ARG2: variants seen among roughly 807,000 people sequenced by gnomAD.
The protein encoded by ARG2 is arginase 2.
In ARG2, 21 loss-of-function variants were observed where a neutral mutation model predicts 39.4. That is an observed-to-expected ratio of 0.53 (90% CI 0.38 to 0.77). The LOEUF is 0.77. Among genes scored for constraint, ARG2 ranks in the 30% least tolerant of loss-of-function variants. The pLI is 0.00. For missense variants in ARG2, 378 were observed against 426.2 expected (o/e 0.89, Z 1.00); for synonymous variants, 150 against 156.7 (o/e 0.96, Z 0.32).
At chr14:67,631,161 C>T (rs2140731215) in intron 2 of ARG2, among the ~76,000 whole-genome samples, 2 of 152,300 alleles carry the variant, frequency 1.3e-5, no homozygotes, top group South Asian at 4.1e-4. Context: ...AGCCCTCTAG[C>T]TGTTGTCCAG....
In ARG2 at chr14:67,633,555, G is replaced by A. The variant is rs74551964; in HGVS notation, c.185-8631G>A. ...TCCCTTCCCATGCCCCTCTATTGCT[G>A]GACACTCTGTTCCCTCTCATTTATT... On this transcript the variant is annotated intron_variant, in intron 2 of 7. Coordinates refer to ENST00000261783, the MANE Select transcript of ARG2 (RefSeq NM_001172.4). 3.2e-3 allele frequency among the ~76,000 whole-genome samples: 488 copies of A among 152,170 alleles called. 21 individuals are homozygous for A. In the East Asian group the frequency reaches 0.083, roughly 26 times the overall value.
chr14:67,644,833 C>G (rs557706870), intron 3 of ARG2, among the ~76,000 whole-genome samples: 52 of 152,078 alleles, frequency 3.4e-4, no homozygotes, highest in Non-Finnish European at 5.3e-4. Flanking sequence ...CCCATCTTTA[C>G]TAAAAATACA....
At chr14:67,624,417 G>C (rs2036842088) in intron 2 of ARG2, among the ~76,000 whole-genome samples, 1 of 152,208 alleles carries the variant, frequency 6.6e-6, no homozygotes, top group South Asian at 2.1e-4. Context: ...AAAGAAAAGA[G>C]GTTTAATTGA....
chr14:67,627,642 A>G (rs901181132), intron 2 of ARG2, among the ~76,000 whole-genome samples: 6 of 152,152 alleles, frequency 3.9e-5, no homozygotes, highest in Non-Finnish European at 2.9e-5. Flanking sequence ...ACACTCTTCT[A>G]TTAAACACTT....
chr14:67,634,459 G>A (rs1306189088), intron 2 of ARG2, among the ~76,000 whole-genome samples: 1 of 151,230 alleles, frequency 6.6e-6, no homozygotes, highest in Non-Finnish European at 1.5e-5. Context: ...AATTTAGCTA[G>A]GTGTGGCTTC....
At chr14:67,625,360 A>G (rs982762810) in intron 2 of ARG2, among the ~76,000 whole-genome samples, 1 of 152,162 alleles carries the variant, frequency 6.6e-6, no homozygotes, top group Non-Finnish European at 1.5e-5. Flanking sequence ...TAAATTAAAT[A>G]CATCTATGTT....
intron 2 of ARG2, among the ~76,000 whole-genome samples, chr14:67,635,481 C>T (rs547477946): frequency 6.6e-6 from 1 of 152,346 alleles, no homozygotes; most frequent in South Asian, 2.1e-4. Context: ...CTTCTAGTAA[C>T]ATTGCAACTT....
At position 67,633,305 on chromosome 14, in the gene ARG2, A is replaced by C. The variant is rs576868521; in HGVS notation, c.185-8881A>C. Among the ~76,000 whole-genome samples the C allele has an allele frequency of 2.0e-5, 3 of 152,230 alleles. No homozygotes were observed. In the South Asian group the frequency reaches 6.2e-4, roughly 32 times the overall value. ...TTCTTTGCAGTTTATTTATAGAAGA[A>C]TCTAGGTCATTTGTCTGCAGAATTT... On this transcript the variant is annotated intron_variant, in intron 2 of 7. Coordinates refer to ENST00000261783, the MANE Select transcript of ARG2 (RefSeq NM_001172.4).
chr14:67,642,793 CTTTT>C (rs869215946), intron 3 of ARG2, among the ~76,000 whole-genome samples: 33 of 75,546 alleles, frequency 4.4e-4, no homozygotes, highest in African/African-American at 9.9e-4. Flanking sequence ...ACTACATTTT[CTTTT>C]TTTTTTTTTT....
intron 7 of ARG2, 106 bp from the exon 8 acceptor site, chr14:67,650,609 G>T: frequency 1.0e-6 from 1 of 986,980 alleles, no homozygotes. Context: ...ACTATAAAAT[G>T]GACTCTTGTT....
rs527723492 is a variant in ARG2 at position 67,633,461 on chromosome 14, G to T, written c.185-8725G>T. Reference sequence around the variant, plus strand: ...ATTATCCATTAACTTGTCTCCATGTGCTTTCAACAGGATAGTCTCTAACAC... The same window carrying T: ...ATTATCCATTAACTTGTCTCCATGTTCTTTCAACAGGATAGTCTCTAACAC... On this transcript the variant is annotated intron_variant, in intron 2 of 7. Transcript: ENST00000261783. Among the ~76,000 whole-genome samples the T allele has an allele frequency of 1.6e-4, 25 of 152,276 alleles. No homozygotes were observed. The East Asian group carries it at 4.6e-3, about 28-fold the overall frequency.
At chr14:67,642,416 T>A (rs769349538) in intron 3 of ARG2, 53 bp downstream of exon 3, 296 of 1,574,764 alleles carry the variant, frequency 1.9e-4, no homozygotes, top group Non-Finnish European at 2.4e-4. Flanking sequence ...TGCTTGGGGC[T>A]CATAACTTAG....
At chr14:67,646,346 G>T in intron 4 of ARG2, 1 of 364,062 alleles carries the variant, frequency 2.7e-6, no homozygotes, top group Non-Finnish European at 5.0e-6. Flanking sequence ...ATGTGCAATG[G>T]GATAGAAAAG....
chr14:67,638,745 A>T (rs2036999460), intron 2 of ARG2, among the ~76,000 whole-genome samples: 1 of 152,232 alleles, frequency 6.6e-6, no homozygotes, highest in Non-Finnish European at 1.5e-5. Flanking sequence ...GCTGGCCCTT[A>T]GCTTTGTGGA....
chr14:67,633,192 TTTTTTG>T (rs566787294), intron 2 of ARG2, among the ~76,000 whole-genome samples: 12 of 152,172 alleles, frequency 7.9e-5, no homozygotes, highest in Admixed American at 2.0e-4. Context: ...TATTTTGTTG[TTTTTTG>T]TTTTTAAGTT....
Position 67,651,417 on chromosome 14 carries a change from G to A in ARG2, c.*497G>A. The A allele has an allele frequency of 1.9e-6, 3 of 1,613,992 alleles. No homozygotes were observed. Among genetic ancestry groups the A allele is most frequent in the Non-Finnish European group, 2.5e-6 (3 of 1,179,876 alleles). On this transcript the variant is annotated 3_prime_UTR_variant, in exon 8 of 8. Transcript: ENST00000261783. ...CTGCGAAAGAATTTGTAGTAAACCA[G>A]GCCTCCCAGGATGGCGAGCTCCAGT... is the stretch of plus-strand genomic sequence containing the variant.
intron 2 of ARG2, among the ~76,000 whole-genome samples, chr14:67,630,280 C>A (rs2036906118): frequency 6.6e-6 from 1 of 152,172 alleles, no homozygotes; most frequent in Admixed American, 6.5e-5. Flanking sequence ...AAAAATAGTT[C>A]ATTTCACTCT....
At chr14:67,640,722 C>CT (rs2037021162) in intron 2 of ARG2, among the ~76,000 whole-genome samples, 1 of 152,134 alleles carries the variant, frequency 6.6e-6, no homozygotes, top group Non-Finnish European at 1.5e-5. Context: ...GTTCAGATCC[C>CT]TTTTTGATAC....
At chr14:67,624,031 G>A (rs2036838431) in intron 2 of ARG2, among the ~76,000 whole-genome samples, 1 of 151,994 alleles carries the variant, frequency 6.6e-6, no homozygotes, top group Admixed American at 6.6e-5. Flanking sequence ...TGTAGAGCCG[G>A]GGTCTCACTA....
Sources: allele counts gnomAD v4.1 joint callset (sites outside exome capture counted in the v4.1 genomes callset), GRCh38; gene constraint gnomAD v4.1.1; transcripts MANE v1.5; gene names NCBI Gene and HGNC (gene_info 2026-07-23, HGNC 2026-07-21).